MED13: variants seen among roughly 807,000 people sequenced by gnomAD.
MED13 encodes mediator of RNA polymerase II transcription subunit 13.
Under a neutral mutation model 225.2 loss-of-function variants are expected in MED13, and 23 were observed. The observed-to-expected ratio is 0.10, with a 90% CI of 0.07 to 0.14. MED13 has a LOEUF of 0.14. Ranked by LOEUF, MED13 falls within the 10% of genes least tolerant of loss-of-function variation. The probability of loss-of-function intolerance (pLI) is 1.00; values close to 1 mark genes in which losing one functional copy is unlikely to be tolerated. For missense variants in MED13, 2,197 were observed against 2,594.5 expected (o/e 0.85, Z 3.33); for synonymous variants, 942 against 889.2 (o/e 1.06, Z -1.06).
intron 10 of MED13, among the ~76,000 whole-genome samples, chr17:61,993,465 G>C (rs1330862545): frequency 1.3e-5 from 2 of 151,248 alleles, no homozygotes; most frequent in Non-Finnish European, 2.9e-5. Flanking sequence ...GCCTCCCAAA[G>C]TGCTGGGATT....
intron 8 of MED13, among the ~76,000 whole-genome samples, chr17:62,019,461 G>A (rs1481348984): frequency 2.0e-5 from 3 of 152,202 alleles, no homozygotes; most frequent in Non-Finnish European, 4.4e-5. Flanking sequence ...AGACAAAAAA[G>A]TTTGAGAATT....
chr17:61,956,619 A>T, intron 23 of MED13, 138 bp from the exon 24 acceptor site: 1 of 725,962 alleles, frequency 1.4e-6, no homozygotes, highest in Non-Finnish European at 2.2e-6. Flanking sequence ...GCTCACTGCA[A>T]CCTCCACCTT....
chr17:61,952,693 A>G (rs998157374), intron 27 of MED13, among the ~76,000 whole-genome samples: 4 of 152,180 alleles, frequency 2.6e-5, no homozygotes, highest in African/African-American at 9.7e-5. Flanking sequence ...AGGAATGGCA[A>G]TTGGATGATC....
At chr17:61,994,025 A>G (rs1013672294) in intron 10 of MED13, among the ~76,000 whole-genome samples, 2 of 149,706 alleles carry the variant, frequency 1.3e-5, no homozygotes, top group African/African-American at 4.9e-5. Flanking sequence ...TTTTAAACGG[A>G]GTATTGCTCT....
At chr17:62,016,570 G>C (rs1272074667) in intron 8 of MED13, among the ~76,000 whole-genome samples, 2 of 152,180 alleles carry the variant, frequency 1.3e-5, no homozygotes, top group Non-Finnish European at 2.9e-5. Flanking sequence ...CACTTGACAA[G>C]TGGCTAGTCC....
intron 16 of MED13, among the ~76,000 whole-genome samples, chr17:61,975,345 A>G (rs1209134073): frequency 1.3e-5 from 2 of 152,230 alleles, no homozygotes; most frequent in South Asian, 2.1e-4. Context: ...CAACAAGCAC[A>G]TGAAACAATC....
chr17:61,950,759 C>G, intron 28 of MED13, 66 bp downstream of exon 28: 6 of 1,492,272 alleles, frequency 4.0e-6, no homozygotes, highest in Non-Finnish European at 5.4e-6. Flanking sequence ...AAAGCCACTT[C>G]TATATTTCTC....
intron 2 of MED13, among the ~76,000 whole-genome samples, chr17:62,058,517 T>C (rs1217433302): frequency 2.1e-5 from 2 of 97,414 alleles, no homozygotes; most frequent in Non-Finnish European, 3.7e-5. Flanking sequence ...CGAGACTTCA[T>C]CTCAAAAAAA....
intron 28 of MED13, among the ~76,000 whole-genome samples, chr17:61,948,432 A>T (rs748139117): frequency 1.4e-4 from 22 of 152,184 alleles, no homozygotes; most frequent in Non-Finnish European, 2.4e-4. Context: ...CTAAGATAAT[A>T]AACTATTAAC....
intron 9 of MED13, among the ~76,000 whole-genome samples, chr17:61,998,925 CTTTT>C (rs10617153): frequency 1.6e-4 from 17 of 103,836 alleles, no homozygotes; most frequent in African/African-American, 4.8e-4. Context: ...TTAAATGGTA[CTTTT>C]TTTTTTTTTT....
At chr17:62,034,507 TTGTC>T (rs2080785544) in intron 4 of MED13, among the ~76,000 whole-genome samples, 2 of 146,262 alleles carry the variant, frequency 1.4e-5, no homozygotes, top group South Asian at 4.3e-4. Flanking sequence ...AAAAAAAAAA[TTGTC>T]TGCCCAAACT....
chr17:61,952,431 G>A (rs1012189174), intron 27 of MED13, among the ~76,000 whole-genome samples: 2 of 152,130 alleles, frequency 1.3e-5, no homozygotes, highest in African/African-American at 4.8e-5. Flanking sequence ...AAGATACTGT[G>A]ATCCTACATC....
Position 62,031,459 on chromosome 17 carries a change from C to T in MED13, c.994G>A (p.Glu332Lys), listed in dbSNP as rs1945083552. The T allele has an allele frequency of 6.2e-7, 1 of 1,606,836 alleles. No homozygotes were observed. The highest frequency in any genetic ancestry group is 2.3e-5 in the East Asian group (1 of 44,410). ...SVTLTPPTSP[E>K]EVQTVDPQSV... is the part of the protein sequence containing the mutation. ...ACTGCTATACCTGTTTGGACTTCCTCAGGAGACGTAGGTGGTGTAAGCGTA... is the reference window on the plus strand; with the variant it reads ...ACTGCTATACCTGTTTGGACTTCCTTAGGAGACGTAGGTGGTGTAAGCGTA... The change falls in exon 6 of 30, where the codon GAG (glutamate) becomes AAG (lysine). Residue 332 changes from glutamate (E) to lysine (K), a missense_variant. Glu to Lys is a moderately conservative substitution (Grantham distance 56). This residue lies in a region of MED13 where 884 missense variants were observed against 918.5 expected (regional missense o/e 0.96). Transcript: ENST00000397786.
chr17:62,060,766 C>G (rs1453335048), intron 2 of MED13, among the ~76,000 whole-genome samples: 3 of 151,068 alleles, frequency 2.0e-5, no homozygotes, highest in Non-Finnish European at 2.9e-5. Context: ...GTGGCAAGAT[C>G]TCGGCTCACT....
chr17:62,020,014 G>C (rs2080623370), intron 8 of MED13, among the ~76,000 whole-genome samples: 1 of 152,060 alleles, frequency 6.6e-6, no homozygotes, highest in African/African-American at 2.4e-5. Flanking sequence ...AAAGTGCTGG[G>C]ATTACAGGTG....
intron 2 of MED13, among the ~76,000 whole-genome samples, chr17:62,054,501 G>A (rs982834202): frequency 1.3e-5 from 2 of 151,926 alleles, no homozygotes; most frequent in African/African-American, 4.8e-5. Context: ...AACGTTTATG[G>A]GTTTCACTTC....
chr17:62,062,617 CACACA>C (rs2081049811), intron 2 of MED13, among the ~76,000 whole-genome samples: 1 of 151,150 alleles, frequency 6.6e-6, no homozygotes, highest in African/African-American at 2.4e-5. Flanking sequence ...CACACACACA[CACACA>C]CACACGGATA....
At chr17:62,044,920 C>T (rs1480931358) in intron 3 of MED13, among the ~76,000 whole-genome samples, 1 of 152,166 alleles carries the variant, frequency 6.6e-6, no homozygotes, top group Non-Finnish European at 1.5e-5. Context: ...CCTTGGCCTC[C>T]CAAAGTGCTG....
At chr17:61,998,718 G>C (rs566004992) in intron 9 of MED13, among the ~76,000 whole-genome samples, 1 of 150,558 alleles carries the variant, frequency 6.6e-6, no homozygotes, top group African/African-American at 2.5e-5. Context: ...TCCCTCTTCG[G>C]CCTCCTGAGT....
Sources: gnomAD v4.1 joint callset for allele counts (sites outside exome capture counted in the v4.1 genomes callset) on GRCh38, gnomAD v4.1.1 for gene constraint, gnomAD v4.1.1 regional missense constraint, MANE v1.5 for transcripts, NCBI Gene and HGNC (gene_info 2026-07-23, HGNC 2026-07-21) for gene names.